NRG1: variants seen among roughly 807,000 people sequenced by gnomAD.
NRG1 encodes the protein pro-neuregulin-1, membrane-bound isoform.
NRG1 carries 18 observed loss-of-function variants against 63.8 expected under a neutral mutation model. The ratio of observed to expected loss-of-function variants is 0.28; its 90% CI spans 0.19 to 0.42. NRG1 has a LOEUF of 0.42. NRG1 is among the 10% of genes least tolerant of loss of function. The pLI is 1.00. For synonymous variants in NRG1, 302 were observed against 301.3 expected (o/e 1.00, Z -0.02); for missense variants, 762 against 814.7 (o/e 0.94, Z 0.79).
chr8:31,936,275 T>C (rs1195752652), intron 1 of NRG1, among the ~76,000 whole-genome samples: 3 of 152,224 alleles, frequency 2.0e-5, no homozygotes, highest in Non-Finnish European at 2.9e-5. Context: ...TAAAACTCTT[T>C]CCTGGGCTAA....
intron 5 of NRG1, among the ~76,000 whole-genome samples, chr8:32,617,943 G>A (rs1847674734): frequency 6.6e-6 from 1 of 152,098 alleles, no homozygotes; most frequent in African/African-American, 2.4e-5. Context: ...TGTGAAGTAT[G>A]GTGTTTTGGC....
At chr8:31,669,311 C>T (rs1393194133) in intron 1 of NRG1, among the ~76,000 whole-genome samples, 1 of 151,584 alleles carries the variant, frequency 6.6e-6, no homozygotes, top group African/African-American at 2.4e-5. Context: ...AATCTTGGCT[C>T]ACTGCAACCT....
chr8:31,935,414 C>T (rs918014173), intron 1 of NRG1, among the ~76,000 whole-genome samples: 4 of 151,076 alleles, frequency 2.6e-5, no homozygotes, highest in African/African-American at 9.7e-5. Context: ...TGAGCTACCA[C>T]ACCCAGCCTA....
At chr8:32,003,848 C>A (rs372705114) in intron 1 of NRG1, among the ~76,000 whole-genome samples, 7 of 151,890 alleles carry the variant, frequency 4.6e-5, no homozygotes, top group East Asian at 1.9e-4. Flanking sequence ...TGTTATATTT[C>A]TCACCAGTTA....
At position 31,774,817 on chromosome 8, in the gene NRG1, A is replaced by G. The variant is rs189765406; in HGVS notation, c.37+135386A>G. Among the ~76,000 whole-genome samples the G allele has an allele frequency of 1.8e-3, 268 of 152,342 alleles. 1 individual carries two copies. Among genetic ancestry groups the G allele is most frequent in the African/African-American group, 6.1e-3 (253 of 41,584 alleles). On this transcript the variant is annotated intron_variant, in intron 1 of 10. Coordinates refer to the NRG1 transcript ENST00000519301. ...TCAAAAGAAGATATGCAAGTTGTCA[A>G]CAAACATGAAAAAATGCACACCATC... is the stretch of plus-strand genomic sequence containing the variant.
chr8:32,157,432 C>T (rs936613865), intron 1 of NRG1, among the ~76,000 whole-genome samples: 4 of 148,430 alleles, frequency 2.7e-5, no homozygotes, highest in Admixed American at 6.7e-5. Context: ...GAGGCCGAGG[C>T]GGGCGGATCA....
intron 11 of NRG1, chr8:32,760,625 C>T (rs1830523038): frequency 2.2e-6 from 3 of 1,357,222 alleles, no homozygotes; most frequent in East Asian, 3.0e-5. Context: ...AGGCAACAGA[C>T]TCTTAAAGAG....
At chr8:32,281,300 C>G (rs570542613) in intron 1 of NRG1, among the ~76,000 whole-genome samples, 5 of 150,664 alleles carry the variant, frequency 3.3e-5, no homozygotes, top group African/African-American at 9.8e-5. Flanking sequence ...GCCTCAGCCT[C>G]CTGAGTAGTT....
At chr8:32,446,584 AG>A (rs762147995) in intron 1 of NRG1, among the ~76,000 whole-genome samples, 37 of 152,040 alleles carry the variant, frequency 2.4e-4, no homozygotes, top group Admixed American at 5.3e-4. Flanking sequence ...GAACCAGAGA[AG>A]TGGAGATTGC....
intron 1 of NRG1, among the ~76,000 whole-genome samples, chr8:32,502,400 G>A (rs372623964): frequency 5.3e-5 from 8 of 150,510 alleles, no homozygotes; most frequent in African/African-American, 2.0e-4. Context: ...CCAACACTGG[G>A]GATTACATTT....
intron 1 of NRG1, among the ~76,000 whole-genome samples, chr8:32,590,824 G>A (rs2439289): frequency 0.95 from 143,892 of 152,220 alleles, 68,546 homozygotes; most frequent in East Asian, 1. Flanking sequence ...ATGAAAAAAA[G>A]TCATACAAAC....
chr8:32,276,262 T>G (rs1237667508), intron 1 of NRG1, among the ~76,000 whole-genome samples: 2 of 152,216 alleles, frequency 1.3e-5, no homozygotes, highest in Non-Finnish European at 2.9e-5. Flanking sequence ...GTTCAATTTA[T>G]TTTAGCTTCT....
At chr8:32,407,294 T>A (rs1258963493) in intron 1 of NRG1, among the ~76,000 whole-genome samples, 16 of 3,772 alleles carry the variant, frequency 4.2e-3, no homozygotes, top group African/African-American at 5.9e-3. Flanking sequence ...TATATATATA[T>A]TATATATATA....
chr8:32,619,977 G>C (rs534402962), intron 5 of NRG1, among the ~76,000 whole-genome samples: 3 of 152,096 alleles, frequency 2.0e-5, no homozygotes. Context: ...ATAGCATGAA[G>C]CACACAGTCC....
chr8:31,712,300 C>G (rs1224044388), intron 1 of NRG1, among the ~76,000 whole-genome samples: 1 of 116,650 alleles, frequency 8.6e-6, no homozygotes, highest in Non-Finnish European at 1.6e-5. Flanking sequence ...GAGTCTCACT[C>G]TGACACCCAG....
chr8:32,450,094 A>G (rs1820768411), intron 1 of NRG1, among the ~76,000 whole-genome samples: 1 of 152,220 alleles, frequency 6.6e-6, no homozygotes, highest in African/African-American at 2.4e-5. Context: ...GGTAAATATG[A>G]TAGAGCGAAG....
intron 1 of NRG1, among the ~76,000 whole-genome samples, chr8:32,398,410 A>ATTTT (rs59321367): frequency 4.9e-5 from 7 of 142,264 alleles, no homozygotes; most frequent in Non-Finnish European, 9.1e-5. Flanking sequence ...TTCCACCCAA[A>ATTTT]TTTTTTTTTT....
intron 1 of NRG1, among the ~76,000 whole-genome samples, chr8:32,520,186 GGTCTCA>G (rs1740256256): frequency 6.6e-6 from 1 of 152,008 alleles, no homozygotes; most frequent in Non-Finnish European, 1.5e-5. Context: ...TTTGAGACAG[GGTCTCA>G]CTCTGTTGCC....
intron 1 of NRG1, among the ~76,000 whole-genome samples, chr8:31,830,339 TTCCTTCCTTCCTTCCTTCCTTCCC>T (rs1488807733): frequency 1.2e-3 from 140 of 119,600 alleles, no homozygotes; most frequent in Middle Eastern, 3.9e-3. Context: ...CCTTCCTTCC[TTCCTTCCTTCCTTCCTTCCTTCCC>T]TCCTTCCCTC....
Sources: allele counts gnomAD v4.1 joint callset (sites outside exome capture counted in the v4.1 genomes callset), GRCh38; gene constraint gnomAD v4.1.1; transcripts MANE v1.5; gene names NCBI Gene and HGNC (gene_info 2026-07-23, HGNC 2026-07-21).